GBP1: variants seen among roughly 807,000 people sequenced by gnomAD.
The protein encoded by GBP1 is guanylate binding protein 1.
A neutral mutation model predicts 69.5 loss-of-function variants in GBP1; 64 were observed. That is an observed-to-expected ratio of 0.92 (90% CI 0.75 to 1.13). The LOEUF (loss-of-function observed/expected upper bound fraction) is 1.13, where lower values mean the gene tolerates loss of function less well. Among genes scored for constraint, GBP1 ranks in the 50% most tolerant of loss-of-function variants. GBP1 has a pLI of 0.00. For missense variants in GBP1, 630 were observed against 704.1 expected (o/e 0.89, Z 1.19); for synonymous variants, 250 against 261.2 (o/e 0.96, Z 0.41).
chr1:89,060,337 G>C lies in GBP1; in HGVS notation c.191-13C>G, dbSNP rs1264421640. ...CCCAGAGAGAAGCCTGCAAGGGAGA[G>C]AGGAGACCAGCGATGGGGATTTAGT... On this transcript the variant is annotated splice_polypyrimidine_tract_variant and intron_variant, in intron 2 of 10. Coordinates refer to ENST00000370473, the MANE Select transcript of GBP1 (RefSeq NM_002053.3). 4 of 1,550,712 alleles carry C rather than the reference G, an allele frequency of 2.6e-6. No homozygotes were observed. Among genetic ancestry groups the C allele is most frequent in the Admixed American group, 4.1e-5 (2 of 48,280 alleles).
intron 3 of GBP1, among the ~76,000 whole-genome samples, chr1:89,059,772 A>G (rs1411416538): frequency 6.6e-6 from 1 of 151,826 alleles, no homozygotes; most frequent in Non-Finnish European, 1.5e-5. Flanking sequence ...TCTTTTTTTC[A>G]ATAACAGAAT....
Position 89,055,816 on chromosome 1 carries a change from A to G in GBP1, c.1368+200T>C. ...ATCTGCTAATTGAATTTATAACTTA[A>G]TAGTTAATTGACTGCACTCTCTTTG... On this transcript the variant is annotated intron_variant, in intron 8 of 10. Coordinates refer to ENST00000370473, the MANE Select transcript of GBP1 (RefSeq NM_002053.3). The G allele has an allele frequency of 4.6e-6, 3 of 645,794 alleles. No individual in the cohort carries two copies. In the South Asian group the frequency reaches 5.8e-5, roughly 12 times the overall value. 40.0% of individuals were successfully genotyped at this position (645,794 alleles called of 1,614,324 possible).
At position 89,063,340 on chromosome 1, in the gene GBP1, A is replaced by G. The variant is rs917770831; in HGVS notation, c.-19-87T>C. On this transcript the variant is annotated intron_variant, in intron 1 of 10. Coordinates refer to ENST00000370473, the MANE Select transcript of GBP1 (RefSeq NM_002053.3). ...CATAAGATTCCCCAGTATGGCCAAA[A>G]GTTTTGTGTGTGACAGCAAAAGAGA... 4.0e-6 allele frequency: 5 copies of G among 1,258,556 alleles called. No homozygotes were observed. The Admixed American group carries it at 1.1e-4, about 28-fold the overall frequency. The allele number at this position is 1,258,556 out of a possible 1,614,324, so 78.0% of individuals were successfully genotyped here. A position where few individuals can be genotyped will look rare whatever the true frequency, so the allele number is the denominator to read the frequency against.
Position 89,056,000 on chromosome 1 carries a change from GA to G in GBP1, c.1368+15del. On this transcript the variant is annotated intron_variant, in intron 8 of 10. Transcript: ENST00000370473. ...GGTCAGCAGCTTTCCATAATTGACA[GA>G]TAAATCTTGGTTACCTGTATCCCCT... 6.2e-7 allele frequency: 1 copy of G among 1,613,914 alleles called. No individual in the cohort carries two copies. The highest frequency in any genetic ancestry group is 8.5e-7 in the Non-Finnish European group (1 of 1,179,826).
intron 8 of GBP1, 101 bp from the exon 9 acceptor site, chr1:89,055,316 C>G (rs2101221149): frequency 3.8e-6 from 6 of 1,564,114 alleles, no homozygotes; most frequent in Non-Finnish European, 5.2e-6. Context: ...AATTCTTTCT[C>G]TTGGCCCTAT....
chr1:89,059,411 C>A lies in GBP1; in HGVS notation c.334G>T (p.Asp112Tyr). 6.2e-7 allele frequency: 1 copy of A among 1,613,972 alleles called. No homozygotes were observed. Among genetic ancestry groups the A allele is most frequent in the Non-Finnish European group, 8.5e-7 (1 of 1,179,932 alleles). The change falls in exon 4 of 11, where the codon GAC becomes TAC. Residue 112 changes from aspartate to tyrosine, a missense_variant. This residue lies in a region of GBP1 where 131 missense variants were observed against 138.5 expected (regional missense o/e 0.95). Coordinates refer to ENST00000370473, the MANE Select transcript of GBP1 (RefSeq NM_002053.3). ...ACGGCCAGGGCGAAGATCCAGGAGT[C>A]ATTCTGGTTGTCACCCTGGAAGTCA... The part of the protein sequence containing the change: ...GDVEKGDNQN[D>Y]SWIFALAVLL...
chr1:89,063,659 G>C (rs1262025904), intron 1 of GBP1, among the ~76,000 whole-genome samples: 1 of 152,160 alleles, frequency 6.6e-6, no homozygotes, highest in Non-Finnish European at 1.5e-5. Context: ...ATCCAACACA[G>C]TGAATCAGTA....
At chr1:89,053,787 C>T (rs1252980945) in intron 10 of GBP1, among the ~76,000 whole-genome samples, 6 of 152,210 alleles carry the variant, frequency 3.9e-5, no homozygotes, top group Non-Finnish European at 4.4e-5. Flanking sequence ...GAGTGCCAGA[C>T]TGACCATACT....
chr1:89,053,899 T>A (rs1679979991), intron 10 of GBP1, among the ~76,000 whole-genome samples: 1 of 152,224 alleles, frequency 6.6e-6, no homozygotes, highest in Non-Finnish European at 1.5e-5. Flanking sequence ...GTTAGGAGCC[T>A]TTCTGCTCAT....
chr1:89,054,606 C>T (rs1332819325), intron 10 of GBP1, 76 bp downstream of exon 10: 2 of 1,330,834 alleles, frequency 1.5e-6, no homozygotes, highest in Non-Finnish European at 2.1e-6. Context: ...GTTCTCTCTG[C>T]CACACTAAGT....
At chr1:89,056,366 C>T (rs1471381790) in intron 7 of GBP1, 138 bp from the exon 8 acceptor site, 2 of 1,425,826 alleles carry the variant, frequency 1.4e-6, no homozygotes, top group Admixed American at 4.2e-5. Context: ...GGACCACACT[C>T]TTCCTTCTGA....
intron 1 of GBP1, among the ~76,000 whole-genome samples, chr1:89,064,647 C>A (rs1285011604): frequency 6.6e-6 from 1 of 152,176 alleles, no homozygotes; most frequent in Non-Finnish European, 1.5e-5. Flanking sequence ...CTTCATCTTT[C>A]AGGCTGAGTT....
Position 89,060,202 on chromosome 1 carries a change from C to T in GBP1, c.313G>A (p.Glu105Lys), listed in dbSNP as rs536896435. The T allele has an allele frequency of 6.3e-7, 1 of 1,596,368 alleles. No homozygotes were observed. The highest frequency in any genetic ancestry group is 1.4e-5 in the African/African-American group (1 of 74,052). ...LLDTEGLGDV[E>K]KGDNQNDSWI... is the part of the protein sequence containing the mutation. The stretch of plus-strand genomic sequence containing the variant: ...ACTGGATCCTTGAGTCTCACCTTCT[C>T]TACATCTCCCAGACCCTCGGTGTCC... The change falls in exon 3 of 11, where the codon GAG (glutamate) becomes AAG (lysine). Residue 105 changes from glutamate (E) to lysine (K), a missense_variant. This residue lies in a region of GBP1 where 131 missense variants were observed against 138.5 expected (regional missense o/e 0.95). Transcript: ENST00000370473.
rs1570935435 is a variant in GBP1 at position 89,054,937 on chromosome 1, T to C, written c.1472-62A>G. On this transcript the variant is annotated intron_variant, in intron 9 of 10. Coordinates refer to ENST00000370473, the MANE Select transcript of GBP1 (RefSeq NM_002053.3). The stretch of plus-strand genomic sequence containing the variant: ...GTTATCTTGTTGCCTCATTCTTCCT[T>C]ATACACTTACCTGTCGTTGTTGCTG... 3 of 1,578,870 alleles carry C rather than the reference T, an allele frequency of 1.9e-6. No homozygotes were observed. The East Asian group carries it at 6.7e-5, about 35-fold the overall frequency.
At position 89,056,146 on chromosome 1, in the gene GBP1, A is replaced by T. The variant is rs796404647; in HGVS notation, c.1238T>A (p.Val413Asp). ...SSDRCSALLQ[V>D]IFSPLEEEVK... ...TTCTTCTTCTAGAGGACTGAAAATG[A>T]CCTGAAGTAAAGCTGAGCAACGATC... Residue 413 changes from valine to aspartate, a missense_variant, in exon 8 of 11, where the codon GTC (valine) becomes GAC (aspartate). Around this residue, in one of 5 missense-constraint regions of GBP1, gnomAD observed 367 missense variants for 369.5 expected, o/e 0.99. Coordinates refer to ENST00000370473, the MANE Select transcript of GBP1 (RefSeq NM_002053.3). The T allele has an allele frequency of 9.9e-6, 16 of 1,613,840 alleles. No homozygotes were observed. The highest frequency in any genetic ancestry group is 1.4e-5 in the Non-Finnish European group (16 of 1,179,860).
At chr1:89,054,121 T>C (rs1395558882) in intron 10 of GBP1, among the ~76,000 whole-genome samples, 6 of 152,152 alleles carry the variant, frequency 3.9e-5, no homozygotes, top group Non-Finnish European at 7.4e-5. Context: ...ATTTTTTTTT[T>C]TGGAGTCTCG....
Position 89,063,055 on chromosome 1 carries a change from T to C in GBP1, c.180A>G (p.Gly60=), listed in dbSNP as rs1570284132. The change falls in exon 2 of 11, where the codon GGA becomes GGG. Residue 60 remains glycine, a synonymous_variant. Transcript: ENST00000370473. ...GKSYLMNKLA[G]KKKGFSLGST... is the part of the protein sequence containing the mutation. ...GCTCATGCCACTCACCCTTTTTCTT[T>C]CCAGCCAGCTTGTTCATCAGGTAGG... The C allele has an allele frequency of 6.2e-7, 1 of 1,614,036 alleles. No individual in the cohort carries two copies. Among genetic ancestry groups the C allele is most frequent in the Non-Finnish European group, 8.5e-7 (1 of 1,179,940 alleles).
intron 6 of GBP1, 63 bp downstream of exon 6, chr1:89,057,929 G>A (rs1680084786): frequency 2.0e-6 from 3 of 1,479,512 alleles, no homozygotes; most frequent in South Asian, 2.8e-5. Flanking sequence ...GAAACTAGGT[G>A]GAAGTTATTC....
intron 10 of GBP1, 28 bp from the exon 11 acceptor site, chr1:89,053,496 A>G: frequency 1.2e-6 from 2 of 1,608,942 alleles, no homozygotes; most frequent in South Asian, 1.1e-5. Flanking sequence ...AAGGCTGAGT[A>G]AAGTGTAGCA....
Sources: allele counts gnomAD v4.1 joint callset (sites outside exome capture counted in the v4.1 genomes callset), GRCh38; gene constraint gnomAD v4.1.1; regional missense constraint gnomAD v4.1.1; transcripts MANE v1.5; gene names NCBI Gene and HGNC (gene_info 2026-07-23, HGNC 2026-07-21).